Variants in SLC7A1 observed in about 807,000 individuals in gnomAD.
SLC7A1 encodes the protein solute carrier family 7 member 1.
SLC7A1 carries 10 observed loss-of-function variants against 53.9 expected under a neutral mutation model. That is an observed-to-expected ratio of 0.19 (90% CI 0.11 to 0.31). SLC7A1 has a LOEUF of 0.31. Among genes scored for constraint, SLC7A1 ranks in the 10% least tolerant of loss-of-function variants. The pLI, the probability that SLC7A1 is intolerant of heterozygous loss-of-function variation, is 1.00. For missense variants in SLC7A1, 525 were observed against 827.2 expected (o/e 0.63, Z 4.48); for synonymous variants, 342 against 338.7 (o/e 1.01, Z -0.11).
At chr13:29,562,341 A>G (rs1444905130) in intron 1 of SLC7A1, among the ~76,000 whole-genome samples, 1 of 152,216 alleles carries the variant, frequency 6.6e-6, no homozygotes, top group Non-Finnish European at 1.5e-5. Flanking sequence ...ACAACATCAT[A>G]TTTTAAAGTG....
chr13:29,537,276 GAT>G (rs1349029539), intron 2 of SLC7A1, among the ~76,000 whole-genome samples: 3 of 152,226 alleles, frequency 2.0e-5, no homozygotes, highest in African/African-American at 7.2e-5. Flanking sequence ...TTGGCAGAGC[GAT>G]GTGATGAGAG....
chr13:29,568,546 A>G lies in SLC7A1; in HGVS notation c.-114-14686T>C, dbSNP rs476931. Among the ~76,000 whole-genome samples, 525 of 152,332 alleles carry G rather than the reference A, an allele frequency of 3.4e-3. 4 individuals carry two copies. The highest frequency in any genetic ancestry group is 0.012 in the African/African-American group (492 of 41,576). On this transcript the variant is annotated intron_variant, in intron 1 of 12. Transcript: ENST00000380752. Reference sequence around the variant, plus strand: ...TCACATACCATTAAAATAAAAACGCATGTGCATTCCCTAAAATCACCTTGC... The same window carrying G: ...TCACATACCATTAAAATAAAAACGCGTGTGCATTCCCTAAAATCACCTTGC...
At chr13:29,580,222 G>T (rs1235315916) in intron 1 of SLC7A1, among the ~76,000 whole-genome samples, 1 of 152,140 alleles carries the variant, frequency 6.6e-6, no homozygotes, top group Non-Finnish European at 1.5e-5. Flanking sequence ...GGCCGTGACT[G>T]CTGAGGGGCC....
rs1384934784 is a variant in SLC7A1, at chr13:29,510,920, C to T, written c.*3560G>A. The stretch of plus-strand genomic sequence containing the variant: ...TTGCCTGTTAAGTCTGGGTGGGGCC[C>T]CTATGGGGCATGTCCACGTGCCCCC... On this transcript the variant is annotated 3_prime_UTR_variant, in exon 13 of 13. Coordinates refer to ENST00000380752, the MANE Select transcript of SLC7A1 (RefSeq NM_003045.5). 1 of 152,310 alleles carries T rather than the reference C, an allele frequency of 6.6e-6. No individual in the cohort carries two copies. The highest frequency in any genetic ancestry group is 1.5e-5 in the Non-Finnish European group (1 of 68,098). 9.4% of individuals were successfully genotyped at this position (152,310 alleles called of 1,614,324 possible).
At chr13:29,517,531 C>G (rs1440867912) in intron 10 of SLC7A1, 42 bp downstream of exon 10, 1 of 1,506,196 alleles carries the variant, frequency 6.6e-7, no homozygotes, top group Non-Finnish European at 9.2e-7. Flanking sequence ...AGAAACCATG[C>G]AATGCCAACA....
chr13:29,577,979 T>C (rs542443792), intron 1 of SLC7A1, among the ~76,000 whole-genome samples: 2 of 152,262 alleles, frequency 1.3e-5, no homozygotes, highest in East Asian at 3.9e-4. Flanking sequence ...CCTGTTTGCT[T>C]TTCATTTGTT....
At chr13:29,564,019 A>G (rs58216543) in intron 1 of SLC7A1, among the ~76,000 whole-genome samples, 2,184 of 152,304 alleles carry the variant, frequency 0.014, 57 homozygotes, top group African/African-American at 0.05. Context: ...AGGACCACAC[A>G]GTCACGGAAT....
Position 29,535,969 on chromosome 13 carries a change from C to T in SLC7A1, c.220G>A (p.Ala74Thr). The T allele has an allele frequency of 6.2e-7, 1 of 1,614,200 alleles. No individual in the cohort carries two copies. The highest frequency in any genetic ancestry group is 1.3e-5 in the African/African-American group (1 of 75,060). The change falls in exon 3 of 13, where the codon GCG becomes ACG. Residue 74 changes from alanine (A) to threonine (T), a missense_variant. Transcript: ENST00000380752. ...PAIVISFLIA[A>T]LASVLAGLCY... ...AGGCCAGCCAGCACTGAGGCCAGCG[C>T]AGCGATCAGGAAGGAGATGACAATG...
intron 6 of SLC7A1, 118 bp from the exon 7 acceptor site, chr13:29,523,606 C>G (rs1429763472): frequency 1.4e-5 from 10 of 728,772 alleles, no homozygotes; most frequent in Non-Finnish European, 2.1e-5. Context: ...AGAAACCTCC[C>G]TCCAGCACTC....
intron 1 of SLC7A1, chr13:29,586,806 T>C (rs1330586007): frequency 6.6e-6 from 1 of 152,276 alleles, no homozygotes; most frequent in Non-Finnish European, 1.5e-5. Flanking sequence ...CTCTAATTTG[T>C]GCATCTCCCT....
intron 1 of SLC7A1, among the ~76,000 whole-genome samples, chr13:29,565,634 C>T (rs1204910506): frequency 1.3e-5 from 2 of 152,196 alleles, no homozygotes; most frequent in African/African-American, 4.8e-5. Context: ...CTCAGGATCC[C>T]TTTCTGCCAT....
chr13:29,581,898 A>G (rs940966604), intron 1 of SLC7A1, among the ~76,000 whole-genome samples: 1 of 152,222 alleles, frequency 6.6e-6, no homozygotes, highest in African/African-American at 2.4e-5. Context: ...TTAGCGGCAA[A>G]ATACCAACAC....
At chr13:29,568,845 C>T (rs966072482) in intron 1 of SLC7A1, among the ~76,000 whole-genome samples, 43 of 152,262 alleles carry the variant, frequency 2.8e-4, no homozygotes, top group African/African-American at 8.2e-4. Context: ...CAAGTCCGTC[C>T]CTTTATTTTA....
intron 1 of SLC7A1, among the ~76,000 whole-genome samples, chr13:29,593,105 T>C (rs926420911): frequency 6.6e-6 from 1 of 152,146 alleles, no homozygotes; most frequent in Non-Finnish European, 1.5e-5. Flanking sequence ...CCCAAGAAGA[T>C]ACATCTTCCA....
intron 1 of SLC7A1, among the ~76,000 whole-genome samples, chr13:29,570,440 G>T (rs1871143708): frequency 6.6e-6 from 1 of 152,190 alleles, no homozygotes; most frequent in Non-Finnish European, 1.5e-5. Flanking sequence ...ATCTGAAGCG[G>T]GGATAATGAC....
intron 1 of SLC7A1, among the ~76,000 whole-genome samples, chr13:29,583,302 G>A (rs186772936): frequency 6.6e-6 from 1 of 152,322 alleles, no homozygotes; most frequent in Admixed American, 6.5e-5. Context: ...TTGGATATGG[G>A]GCAGTATTGC....
In SLC7A1 at chr13:29,510,926, G is replaced by A. The variant is rs552008600; in HGVS notation, c.*3554C>T. On this transcript the variant is annotated 3_prime_UTR_variant, in exon 13 of 13. Transcript: ENST00000380752. ...GTTAAGTCTGGGTGGGGCCCCTATG[G>A]GGCATGTCCACGTGCCCCCCACCAG... 2.0e-5 allele frequency: 3 copies of A among 152,402 alleles called. No individual in the cohort carries two copies. The East Asian group carries it at 5.8e-4, about 29-fold the overall frequency. 9.4% of individuals were successfully genotyped at this position (152,402 alleles called of 1,614,324 possible). A position where few individuals can be genotyped will look rare whatever the true frequency, so the allele number is the denominator to read the frequency against.
At chr13:29,569,630 G>A (rs1451303733) in intron 1 of SLC7A1, among the ~76,000 whole-genome samples, 1 of 152,174 alleles carries the variant, frequency 6.6e-6, no homozygotes, top group Non-Finnish European at 1.5e-5. Context: ...CCATTCTCAA[G>A]AGTACCCACA....
At position 29,511,732 on chromosome 13, in the gene SLC7A1, G is replaced by C. The variant is rs1013887247; in HGVS notation, c.*2748C>G. 5 of 152,274 alleles carry C rather than the reference G, an allele frequency of 3.3e-5. No homozygotes were observed. The highest frequency in any genetic ancestry group is 7.2e-5 in the African/African-American group (3 of 41,458). 9.4% of individuals were successfully genotyped at this position (152,274 alleles called of 1,614,324 possible). The stretch of plus-strand genomic sequence containing the variant: ...ATGAATTTGGGCCTTCGGAGGTCAT[G>C]AACACATGCAGGGCAGTCACAGGGG... On this transcript the variant is annotated 3_prime_UTR_variant, in exon 13 of 13. Coordinates refer to ENST00000380752, the MANE Select transcript of SLC7A1 (RefSeq NM_003045.5).
Sources: gnomAD v4.1 joint callset for allele counts (sites outside exome capture counted in the v4.1 genomes callset) on GRCh38, gnomAD v4.1.1 for gene constraint, MANE v1.5 for transcripts, NCBI Gene and HGNC (gene_info 2026-07-23, HGNC 2026-07-21) for gene names.